Variants in SRGAP2C observed in about 807,000 individuals in gnomAD.
SRGAP2C encodes the protein SLIT-ROBO Rho GTPase activating protein 2C.
SRGAP2C carries 15 observed loss-of-function variants against 25.1 expected under a neutral mutation model. That is an observed-to-expected ratio of 0.60 (90% CI 0.40 to 0.92). SRGAP2C has a LOEUF of 0.92. SRGAP2C is among the 40% of genes least tolerant of loss of function. The probability of loss-of-function intolerance (pLI) is 0.00; values close to 1 mark genes in which losing one functional copy is unlikely to be tolerated. For missense variants in SRGAP2C, 144 were observed against 264.4 expected (o/e 0.54, Z 3.16); for synonymous variants, 44 against 96.6 (o/e 0.46, Z 3.19).
At chr1:121,238,841 G>A (rs1211634797) in intron 2 of SRGAP2C, among the ~76,000 whole-genome samples, 2 of 140,192 alleles carry the variant, frequency 1.4e-5, no homozygotes, top group African/African-American at 2.7e-5. Context: ...GAGTGCAGTA[G>A]CGTGATCATG....
intron 3 of SRGAP2C, among the ~76,000 whole-genome samples, chr1:121,310,706 C>A (rs1657963427): frequency 2.2e-5 from 2 of 89,248 alleles, no homozygotes; most frequent in Non-Finnish European, 4.8e-5. Flanking sequence ...GCTTGTTTTT[C>A]TCAGGTTTGT....
chr1:121,337,493 G>A (rs1478554383), intron 4 of SRGAP2C, among the ~76,000 whole-genome samples: 1 of 149,964 alleles, frequency 6.7e-6, no homozygotes, highest in South Asian at 2.1e-4. Flanking sequence ...TTAGCCAGGC[G>A]TCGTGGTGTA....
At chr1:121,324,779 T>C (rs1658285418) in intron 4 of SRGAP2C, 139 bp downstream of exon 4, 2 of 600,366 alleles carry the variant, frequency 3.3e-6, no homozygotes, top group Admixed American at 3.0e-5. Flanking sequence ...AATTTACCCA[T>C]GTAACAAACT....
intron 3 of SRGAP2C, among the ~76,000 whole-genome samples, chr1:121,313,798 G>T (rs1402913945): frequency 1.4e-4 from 18 of 130,550 alleles, no homozygotes; most frequent in South Asian, 2.6e-4. Context: ...GAGATCCACT[G>T]TTAGTCTGAT....
chr1:121,336,141 C>T (rs1407120681), intron 4 of SRGAP2C, among the ~76,000 whole-genome samples: 2 of 152,176 alleles, frequency 1.3e-5, no homozygotes, highest in Non-Finnish European at 1.5e-5. Flanking sequence ...CAAATTCTAT[C>T]TTCCTTACAG....
At chr1:121,370,435 C>A (rs1319546693) in intron 5 of SRGAP2C, among the ~76,000 whole-genome samples, 2 of 121,626 alleles carry the variant, frequency 1.6e-5, no homozygotes, top group Non-Finnish European at 1.7e-5. Context: ...TGTTCTCAGA[C>A]TTCCTTTTTT....
intron 3 of SRGAP2C, among the ~76,000 whole-genome samples, chr1:121,313,609 A>T (rs1658013849): frequency 7.6e-6 from 1 of 130,880 alleles, no homozygotes; most frequent in African/African-American, 3.0e-5. Flanking sequence ...GAGCTCTTTT[A>T]GGGCAGGCCT....
At chr1:121,343,400 C>T (rs1341109659) in intron 4 of SRGAP2C, among the ~76,000 whole-genome samples, 1 of 151,726 alleles carries the variant, frequency 6.6e-6, no homozygotes, top group Admixed American at 6.6e-5. Context: ...TGCGTATCCC[C>T]TCTTGGGCCA....
chr1:121,385,785 C>T (rs1220466627), intron 8 of SRGAP2C, among the ~76,000 whole-genome samples: 2 of 151,672 alleles, frequency 1.3e-5, no homozygotes, highest in East Asian at 4.0e-4. Context: ...TGGATGACCT[C>T]ATCCCATAAC....
At chr1:121,211,447 A>G (rs1655253836) in intron 2 of SRGAP2C, among the ~76,000 whole-genome samples, 2 of 145,624 alleles carry the variant, frequency 1.4e-5, no homozygotes, top group African/African-American at 5.0e-5. Context: ...ACACACACAC[A>G]CACACACACA....
Position 121,374,069 on chromosome 1 carries a change from G to T in SRGAP2C, c.585G>T (p.Ser195=). 8.0e-6 allele frequency: 4 copies of T among 502,726 alleles called. 1 individual carries two copies. The highest frequency in any genetic ancestry group is 6.2e-5 in the Admixed American group (2 of 32,182). The allele number at this position is 502,726 out of a possible 1,614,324, so 31.1% of individuals were successfully genotyped here. A position where few individuals can be genotyped will look rare whatever the true frequency, so the allele number is the denominator to read the frequency against. Residue 195 remains serine (S), a synonymous_variant, in exon 6 of 10, where the codon TCG becomes TCT. Transcript: ENST00000367123. The part of the protein sequence containing the change: ...EKQEEKQIGK[S]VKQEDRQTPC... ...AGGAGGAGAAGCAAATTGGTAAATC[G>T]GTAAAGCAGGAGGACCGGCAGACCC... is the stretch of plus-strand genomic sequence containing the variant.
At chr1:121,253,581 CAGA>C (rs1235910052) in intron 2 of SRGAP2C, among the ~76,000 whole-genome samples, 4 of 127,712 alleles carry the variant, frequency 3.1e-5, no homozygotes, top group African/African-American at 1.1e-4. Context: ...TCCAGGAGGC[CAGA>C]AGGAGAGTAG....
intron 2 of SRGAP2C, among the ~76,000 whole-genome samples, chr1:121,272,321 G>C (rs1487775812): frequency 6.6e-6 from 1 of 151,516 alleles, no homozygotes; most frequent in Admixed American, 6.6e-5. Flanking sequence ...CTTTCATAGA[G>C]AGATAAGTAA....
chr1:121,292,679 C>A (rs1657515588), intron 3 of SRGAP2C, among the ~76,000 whole-genome samples: 1 of 76,270 alleles, frequency 1.3e-5, no homozygotes, highest in South Asian at 3.2e-4. Flanking sequence ...CTCATTCCAG[C>A]CAGCAGGAAA....
chr1:121,372,345 C>T (rs1467960169), intron 5 of SRGAP2C, among the ~76,000 whole-genome samples: 2 of 151,920 alleles, frequency 1.3e-5, no homozygotes, highest in South Asian at 2.1e-4. Flanking sequence ...GGGGGCTGTC[C>T]TGTGCATGGG....
intron 2 of SRGAP2C, among the ~76,000 whole-genome samples, chr1:121,266,152 T>C (rs1320476587): frequency 1.3e-5 from 2 of 150,852 alleles, no homozygotes; most frequent in African/African-American, 4.9e-5. Flanking sequence ...TTTTGTATTG[T>C]TTTGTAGAGA....
intron 4 of SRGAP2C, among the ~76,000 whole-genome samples, chr1:121,329,380 C>T (rs1247473141): frequency 6.9e-6 from 1 of 144,190 alleles, no homozygotes; most frequent in Non-Finnish European, 1.5e-5. Flanking sequence ...TCATTGAATT[C>T]AGATATTTCA....
intron 3 of SRGAP2C, among the ~76,000 whole-genome samples, chr1:121,298,379 A>C (rs1159739483): frequency 2.0e-5 from 3 of 147,626 alleles, no homozygotes; most frequent in Non-Finnish European, 4.5e-5. Flanking sequence ...CACAGGTCCC[A>C]ATTTTGACTT....
intron 4 of SRGAP2C, among the ~76,000 whole-genome samples, chr1:121,362,474 GT>G (rs1325265867): frequency 6.6e-6 from 1 of 151,336 alleles, no homozygotes; most frequent in Non-Finnish European, 1.5e-5. Flanking sequence ...CTTAATTGCT[GT>G]TTTTTTTGGT....
Sources: allele counts gnomAD v4.1 joint callset (sites outside exome capture counted in the v4.1 genomes callset), GRCh38; gene constraint gnomAD v4.1.1; transcripts MANE v1.5; gene names NCBI Gene and HGNC (gene_info 2026-07-23, HGNC 2026-07-21).